The following CDYL variants were observed in gnomAD, a reference collection of about 807,000 sequenced individuals.
CDYL encodes the protein chromodomain Y like.
Under a neutral mutation model 47.3 loss-of-function variants are expected in CDYL, and 8 were observed. That is an observed-to-expected ratio of 0.17 (90% CI 0.10 to 0.31). CDYL has a LOEUF of 0.31. Ranked by LOEUF, CDYL falls within the 10% of genes least tolerant of loss-of-function variation. The probability of loss-of-function intolerance (pLI) is 1.00; values close to 1 mark genes in which losing one functional copy is unlikely to be tolerated. For synonymous variants in CDYL, 266 were observed against 265.0 expected (o/e 1.00, Z -0.04); for missense variants, 471 against 701.4 (o/e 0.67, Z 3.71).
At chr6:4,933,890 C>A (rs573393264) in intron 2 of CDYL, among the ~76,000 whole-genome samples, 1 of 152,300 alleles carries the variant, frequency 6.6e-6, no homozygotes, top group Non-Finnish European at 1.5e-5. Flanking sequence ...GCAGTGTGAA[C>A]TGGAAAATGA....
intron 1 of CDYL, among the ~76,000 whole-genome samples, chr6:4,713,587 TTC>T (rs765881290): frequency 0.29 from 31,636 of 108,308 alleles, 3,250 homozygotes; most frequent in South Asian, 0.33. Flanking sequence ...ATCATTTAGA[TTC>T]TTTTTTTTTT....
At position 4,908,119 on chromosome 6, in the gene CDYL, A is replaced by G. The variant is rs554554852; in HGVS notation, c.691+15740A>G. ...CATGGAAAATTCTAGCACCCTAGTTAGAGGAACACTGCATGACAAGTTCTT... is the reference window on the plus strand; with the variant it reads ...CATGGAAAATTCTAGCACCCTAGTTGGAGGAACACTGCATGACAAGTTCTT... On this transcript the variant is annotated intron_variant, in intron 2 of 6. Transcript: ENST00000397588. Among the ~76,000 whole-genome samples, 5 of 152,350 alleles carry G rather than the reference A, an allele frequency of 3.3e-5. No individual in the cohort carries two copies. In the East Asian group the frequency reaches 9.6e-4, roughly 29 times the overall value.
chr6:4,802,877 C>T (rs549036472), intron 1 of CDYL, among the ~76,000 whole-genome samples: 229 of 152,238 alleles, frequency 1.5e-3, no homozygotes, highest in African/African-American at 5.2e-3. Flanking sequence ...TTCTCTTTTC[C>T]GGCATCTCAC....
At chr6:4,920,131 A>C (rs1757670556) in intron 2 of CDYL, among the ~76,000 whole-genome samples, 1 of 152,242 alleles carries the variant, frequency 6.6e-6, no homozygotes, top group African/African-American at 2.4e-5. Flanking sequence ...AGTTCCACTT[A>C]CAAGAGGTAC....
intron 3 of CDYL, among the ~76,000 whole-genome samples, chr6:4,738,925 G>A (rs1757749318): frequency 6.6e-6 from 1 of 152,186 alleles, no homozygotes; most frequent in East Asian, 1.9e-4. Flanking sequence ...ACTTTGGGAG[G>A]CCGAGGCAGG....
chr6:4,933,287 T>C (rs546288177), intron 2 of CDYL, among the ~76,000 whole-genome samples: 21 of 152,314 alleles, frequency 1.4e-4, no homozygotes, highest in African/African-American at 4.8e-4. Flanking sequence ...ATGTGCACTT[T>C]GGGCTATGCA....
At chr6:4,869,637 G>C (rs1761418377) in intron 1 of CDYL, among the ~76,000 whole-genome samples, 1 of 151,960 alleles carries the variant, frequency 6.6e-6, no homozygotes, top group Non-Finnish European at 1.5e-5. Context: ...TTGCTGTAGG[G>C]ATTATAATAT....
intron 1 of CDYL, among the ~76,000 whole-genome samples, chr6:4,887,188 C>A (rs1451372388): frequency 6.6e-6 from 1 of 152,228 alleles, no homozygotes; most frequent in African/African-American, 2.4e-5. Context: ...ATTGTTCTTA[C>A]CAATTCCGTG....
At chr6:4,724,074 T>C (rs1757432533) in intron 2 of CDYL, among the ~76,000 whole-genome samples, 1 of 152,234 alleles carries the variant, frequency 6.6e-6, no homozygotes, top group African/African-American at 2.4e-5. Context: ...AGTCTTGCTC[T>C]GACACCCAGG....
At chr6:4,868,627 G>A (rs1055772315) in intron 1 of CDYL, among the ~76,000 whole-genome samples, 1 of 152,168 alleles carries the variant, frequency 6.6e-6, no homozygotes, top group South Asian at 2.1e-4. Context: ...ATTGTTGGAT[G>A]GACTATAAAT....
chr6:4,901,144 C>G (rs1394080269), intron 2 of CDYL, among the ~76,000 whole-genome samples: 2 of 151,632 alleles, frequency 1.3e-5, no homozygotes, highest in African/African-American at 4.9e-5. Flanking sequence ...ATATGAAGTA[C>G]AATTTAAAAG....
chr6:4,878,338 C>T (rs12215511), intron 1 of CDYL, among the ~76,000 whole-genome samples: 1 of 151,646 alleles, frequency 6.6e-6, no homozygotes, highest in Non-Finnish European at 1.5e-5. Flanking sequence ...ATAGAATTCA[C>T]CAGCAAAGCC....
intron 2 of CDYL, among the ~76,000 whole-genome samples, chr6:4,901,014 GAGGT>G (rs149269409): frequency 0.025 from 3,709 of 150,580 alleles, 88 homozygotes; most frequent in East Asian, 0.089. Context: ...ACTCAGGGGT[GAGGT>G]AGGACTATCT....
At chr6:4,932,100 G>A (rs1758049536) in intron 2 of CDYL, among the ~76,000 whole-genome samples, 1 of 152,170 alleles carries the variant, frequency 6.6e-6, no homozygotes, top group Non-Finnish European at 1.5e-5. Context: ...GCATTCCAGA[G>A]GTGGGGAGAG....
At position 4,776,824 on chromosome 6, in the gene CDYL, CGGCCT is replaced by C; in HGVS notation, c.24+18_24+22del. 1 of 987,988 alleles carries C rather than the reference CGGCCT, an allele frequency of 1.0e-6. No homozygotes were observed. The highest frequency in any genetic ancestry group is 1.2e-6 in the Non-Finnish European group (1 of 818,706). The allele number at this position is 987,988 out of a possible 1,614,324, so 61.2% of individuals were successfully genotyped here. ...CTGTACGAGGTACCTCCCCTCCCCC[CGGCCT>C]CGGGCCGCCCCCCGCCCGCCGCCCC... is the stretch of plus-strand genomic sequence containing the variant. On this transcript the variant is annotated intron_variant, in intron 1 of 6. Coordinates refer to ENST00000397588, the MANE Select transcript of CDYL (RefSeq NM_004824.4).
Position 4,932,274 on chromosome 6 carries a change from A to C in CDYL, c.692-3241A>C, listed in dbSNP as rs145709912. On this transcript the variant is annotated intron_variant, in intron 2 of 6. Transcript: ENST00000397588. ...GAGAGAACCCTAAGATCAGGGTGCC[A>C]GCAGGTTCAGGGTCTGCTGAGGGCT... 2.8e-3 allele frequency among the ~76,000 whole-genome samples: 431 copies of C among 152,354 alleles called. 2 individuals carry two copies. Among genetic ancestry groups the C allele is most frequent in the African/African-American group, 7.7e-3 (319 of 41,584 alleles).
chr6:4,830,814 T>A (rs549084584), intron 1 of CDYL, among the ~76,000 whole-genome samples: 1 of 144,204 alleles, frequency 6.9e-6, no homozygotes, highest in South Asian at 2.2e-4. Context: ...CCATGTGTTT[T>A]CATTGTTCAA....
Position 4,891,383 on chromosome 6 carries a change from C to T in CDYL, c.25-330C>T, listed in dbSNP as rs553131630. Reference sequence around the variant, plus strand: ...TGACCAGGCACAGCTGCAGATGCCTCGAGCTGCTCCAGCCATGAGTGTGGA... The same window carrying T: ...TGACCAGGCACAGCTGCAGATGCCTTGAGCTGCTCCAGCCATGAGTGTGGA... On this transcript the variant is annotated intron_variant, in intron 1 of 6. Coordinates refer to ENST00000397588, the MANE Select transcript of CDYL (RefSeq NM_004824.4). Among the ~76,000 whole-genome samples, 7 of 152,300 alleles carry T rather than the reference C, an allele frequency of 4.6e-5. No individual in the cohort carries two copies. The South Asian group carries it at 1.0e-3, about 23-fold the overall frequency.
chr6:4,953,691 G>A (rs978839613), intron 6 of CDYL, among the ~76,000 whole-genome samples: 5 of 152,146 alleles, frequency 3.3e-5, no homozygotes, highest in Admixed American at 2.6e-4. Flanking sequence ...GAAATAAGCC[G>A]TTTTGAAGTT....
Sources: gnomAD v4.1 joint callset for allele counts (sites outside exome capture counted in the v4.1 genomes callset) on GRCh38, gnomAD v4.1.1 for gene constraint, MANE v1.5 for transcripts, NCBI Gene and HGNC (gene_info 2026-07-23, HGNC 2026-07-21) for gene names.